The following TIAM2 variants were observed in gnomAD, a reference collection of about 807,000 sequenced individuals.
TIAM2 encodes rho guanine nucleotide exchange factor TIAM2.
In TIAM2, 80 loss-of-function variants were observed where a neutral mutation model predicts 152.9. The ratio of observed to expected loss-of-function variants is 0.52; its 90% CI spans 0.44 to 0.63. TIAM2 has a LOEUF of 0.63. TIAM2 is among the 30% of genes least tolerant of loss of function. The pLI, the probability that TIAM2 is intolerant of heterozygous loss-of-function variation, is 0.00. For synonymous variants in TIAM2, 804 were observed against 838.0 expected (o/e 0.96, Z 0.70); for missense variants, 1,965 against 2,120.1 (o/e 0.93, Z 1.44).
chr6:155,028,154 A>T lies in TIAM2; in HGVS notation c.-209+32662A>T, dbSNP rs1776658427. On this transcript the variant is annotated intron_variant, in intron 1 of 26. Transcript: ENST00000682666. ...CTATATATAATATATGTACTGTTAC[A>T]TATATACTACATATAATATATGTAC... is the stretch of plus-strand genomic sequence containing the variant. 4.5e-5 allele frequency among the ~76,000 whole-genome samples: 5 copies of T among 111,934 alleles called. 2 individuals are homozygous for T. The highest frequency in any genetic ancestry group is 7.7e-5 in the African/African-American group (2 of 26,058). 73.4% of individuals were successfully genotyped at this position (111,934 alleles called of 152,430 possible).
At chr6:155,021,495 C>T (rs1234756126) in intron 1 of TIAM2, among the ~76,000 whole-genome samples, 2 of 152,104 alleles carry the variant, frequency 1.3e-5, no homozygotes, top group Non-Finnish European at 2.9e-5. Flanking sequence ...CTCCTGACCT[C>T]ATGTGATCCG....
At position 155,256,583 on chromosome 6, in the gene TIAM2, T is replaced by TGAGCAGCGGCACCCA. The variant is rs771678194; in HGVS notation, c.4579_4593dup (p.Thr1527_Gly1531dup). The TGAGCAGCGGCACCCA allele has an allele frequency of 1.2e-5, 19 of 1,614,008 alleles. No homozygotes were observed. The highest frequency in any genetic ancestry group is 1.6e-5 in the Non-Finnish European group (19 of 1,180,028). ...TTGCTGGACTCTGACGAGGGCAGCTTGAGCAGCGGCACCCAGAGCAGCGGC... is the reference window on the plus strand; with the variant it reads ...TTGCTGGACTCTGACGAGGGCAGCTTGAGCAGCGGCACCCAGAGCAGCGGCACCCAGAGCAGCGGC... On this transcript the variant is annotated inframe_insertion, in exon 27 of 27. Coordinates refer to ENST00000682666, the MANE Select transcript of TIAM2 (RefSeq NM_012454.4).
intron 2 of TIAM2, among the ~76,000 whole-genome samples, chr6:155,094,086 C>T (rs532629626): frequency 1.3e-5 from 2 of 152,142 alleles, no homozygotes; most frequent in South Asian, 2.1e-4. Flanking sequence ...TGATTGCCTG[C>T]GTTTAAAAAC....
intron 8 of TIAM2, 126 bp downstream of exon 8, chr6:155,164,726 T>C (rs764354619): frequency 6.8e-6 from 8 of 1,183,546 alleles, no homozygotes; most frequent in Non-Finnish European, 9.5e-6. Flanking sequence ...AGAGGCCAGG[T>C]CACCCAGAGG....
chr6:155,036,694 T>C (rs908235019), intron 1 of TIAM2, among the ~76,000 whole-genome samples: 4 of 151,762 alleles, frequency 2.6e-5, no homozygotes, highest in African/African-American at 4.8e-5. Flanking sequence ...CTCGGCTCAC[T>C]GCAACCTCCG....
At chr6:155,031,091 C>T (rs1232412407) in intron 1 of TIAM2, among the ~76,000 whole-genome samples, 2 of 152,170 alleles carry the variant, frequency 1.3e-5, no homozygotes, top group Non-Finnish European at 2.9e-5. Context: ...ATTCACAAGA[C>T]ACTTTGTGTC....
intron 2 of TIAM2, among the ~76,000 whole-genome samples, chr6:155,099,228 G>A (rs71558236): frequency 0.36 from 39,291 of 108,054 alleles, 5,623 homozygotes; most frequent in Admixed American, 0.48. Flanking sequence ...ATATGTGTGT[G>A]TGTGTGTGTG....
intron 15 of TIAM2, among the ~76,000 whole-genome samples, chr6:155,231,894 A>G (rs980178700): frequency 6.6e-6 from 1 of 152,172 alleles, no homozygotes; most frequent in Non-Finnish European, 1.5e-5. Flanking sequence ...GACCAACATG[A>G]TGAAACTGAA....
Position 155,257,156 on chromosome 6 carries a change from T to TTTTAC in TIAM2, c.*39_*43dup. 2 of 1,591,290 alleles carry TTTTAC rather than the reference T, an allele frequency of 1.3e-6. No homozygotes were observed. The highest frequency in any genetic ancestry group is 8.6e-7 in the Non-Finnish European group (1 of 1,164,506). ...ATCCAGATATGGGTTAAATTCCTCA[T>TTTTAC]TTTACTTTTAAACTGGTGGTAAAGT... On this transcript the variant is annotated 3_prime_UTR_variant, in exon 27 of 27. Transcript: ENST00000682666.
At chr6:155,067,662 A>G (rs1777730860) in intron 1 of TIAM2, among the ~76,000 whole-genome samples, 1 of 151,910 alleles carries the variant, frequency 6.6e-6, no homozygotes, top group East Asian at 1.9e-4. Flanking sequence ...TGATTTTGAG[A>G]CAGGGTCTCA....
intron 18 of TIAM2, 128 bp downstream of exon 18, chr6:155,244,911 A>G: frequency 8.5e-7 from 1 of 1,178,310 alleles, no homozygotes; most frequent in Non-Finnish European, 1.1e-6. Flanking sequence ...TCCTGTGACT[A>G]TTTCCTTGCA....
intron 19 of TIAM2, among the ~76,000 whole-genome samples, chr6:155,247,409 C>A (rs3011907): frequency 0.35 from 53,664 of 151,760 alleles, 10,341 homozygotes; most frequent in Middle Eastern, 0.51. Context: ...GCTCACTGCA[C>A]CCTCCACCTC....
At chr6:155,018,871 T>C (rs1465637255) in intron 1 of TIAM2, among the ~76,000 whole-genome samples, 2 of 141,162 alleles carry the variant, frequency 1.4e-5, no homozygotes, top group African/African-American at 5.4e-5. Flanking sequence ...AAACCCCATC[T>C]CTACTAAAAA....
chr6:155,185,588 A>G (rs1781024783), intron 14 of TIAM2, among the ~76,000 whole-genome samples: 1 of 151,866 alleles, frequency 6.6e-6, no homozygotes, highest in South Asian at 2.1e-4. Context: ...TTAAATAGCT[A>G]TTCTATTACT....
chr6:155,187,704 G>C (rs991521708), intron 14 of TIAM2, among the ~76,000 whole-genome samples: 4 of 149,432 alleles, frequency 2.7e-5, no homozygotes, highest in Admixed American at 6.8e-5. Context: ...TCAGCCTCCC[G>C]AGTAGCTGGG....
intron 1 of TIAM2, among the ~76,000 whole-genome samples, chr6:155,069,492 A>T (rs188099278): frequency 9.2e-5 from 14 of 152,314 alleles, no homozygotes; most frequent in African/African-American, 3.1e-4. Flanking sequence ...AGAAACTGTT[A>T]TTCTATAAAG....
chr6:155,240,575 C>T lies in TIAM2; in HGVS notation c.3214C>T (p.Gln1072Ter), dbSNP rs1474409093. The T allele has an allele frequency of 6.2e-7, 1 of 1,614,138 alleles. No individual in the cohort carries two copies. Among genetic ancestry groups the T allele is most frequent in the Non-Finnish European group, 8.5e-7 (1 of 1,180,026 alleles). The change falls in exon 16 of 27, where the codon CAG becomes TAG. Residue 1072 changes from glutamine (Q) to a stop codon, truncating the protein, a stop_gained. Transcript: ENST00000682666. LOFTEE classifies it high-confidence loss of function. ...ACTGTGCAGGAGTTTTAACGACAGT[C>T]AGGCCAACGGCATGGAAGGACCGCG... ...TALCRSFNDS[Q>*]ANGMEGPREN...
intron 15 of TIAM2, among the ~76,000 whole-genome samples, chr6:155,226,563 C>T (rs1395209605): frequency 6.6e-6 from 1 of 151,316 alleles, no homozygotes; most frequent in African/African-American, 2.4e-5. Flanking sequence ...TACTCAGGAG[C>T]CTGAGGCAGG....
intron 1 of TIAM2, among the ~76,000 whole-genome samples, chr6:155,012,349 TTCTCACTTTTGAGC>T (rs1389516966): frequency 6.6e-6 from 1 of 152,164 alleles, no homozygotes; most frequent in Non-Finnish European, 1.5e-5. Flanking sequence ...ATTTTGATTT[TTCTCACTTTTGAGC>T]TTTTGACTCA....
Sources: allele counts gnomAD v4.1 joint callset (sites outside exome capture counted in the v4.1 genomes callset), GRCh38; gene constraint gnomAD v4.1.1; transcripts MANE v1.5; gene names NCBI Gene and HGNC (gene_info 2026-07-23, HGNC 2026-07-21).